MSN: variants seen among roughly 807,000 people sequenced by gnomAD.
MSN encodes moesin, also known as epididymis luminal protein 70.
Under a neutral mutation model 48.0 loss-of-function variants are expected in MSN, and 2 were observed. The ratio of observed to expected loss-of-function variants is 0.04; its 90% CI spans 0.02 to 0.13. The LOEUF is 0.13. MSN is among the 10% of genes least tolerant of loss of function. The pLI is 1.00. For missense variants in MSN, 267 were observed against 470.1 expected, an observed-to-expected ratio of 0.57 and a Z score of 3.99; for synonymous variants, 146 against 166.9, an observed-to-expected ratio of 0.87 and a Z score of 0.97.
At chrX:65,739,555 T>C (rs1449649268) in intron 12 of MSN, among the ~76,000 whole-genome samples, 174 bp from the exon 13 acceptor site, 1 of 111,785 alleles carries the variant, frequency 8.9e-6, no homozygotes, top group East Asian at 2.8e-4. Context: ...TTTTTTTTAA[T>C]ATTCTTGCCC....
intron 1 of MSN, among the ~76,000 whole-genome samples, chrX:65,711,301 C>T (rs1484649605): frequency 2.7e-5 from 3 of 111,112 alleles, no homozygotes; most frequent in African/African-American, 9.8e-5. Flanking sequence ...ATCAGGTGAT[C>T]CACCTGCCTC....
chrX:65,662,431 C>T (rs2070830614), intron 1 of MSN, among the ~76,000 whole-genome samples: 1 of 112,087 alleles, frequency 8.9e-6, no homozygotes, highest in Non-Finnish European at 1.9e-5. Flanking sequence ...GGTACAAAAA[C>T]AGACACATAG....
At chrX:65,681,161 C>G (rs989104216) in intron 1 of MSN, among the ~76,000 whole-genome samples, 4 of 111,398 alleles carry the variant, frequency 3.6e-5, no homozygotes, top group Admixed American at 9.6e-5. Flanking sequence ...ATCTCCCCCC[C>G]ACTCCATGTC....
rs12008739 is a variant in MSN, at chrX:65,623,149, G to T, written c.-22+34537G>T. On this transcript the variant is annotated intron_variant, in intron 1 of 3. Transcript: ENST00000609672. ...ATCCTTTTAATATGTGACTAGATTT[G>T]CTTTGTTAGTATTTAGTTGAGGACC... 9.3e-4 allele frequency among the ~76,000 whole-genome samples: 101 copies of T among 108,743 alleles called. 7 individuals carry two copies. Among genetic ancestry groups the T allele is most frequent in the African/African-American group, 3.2e-3 (93 of 28,921 alleles). The allele number at this position is 108,743 out of a possible 115,157, so 94.4% of individuals were successfully genotyped here. A position where few individuals can be genotyped will look rare whatever the true frequency, so the allele number is the denominator to read the frequency against.
rs1450253316 is a variant in MSN at position 65,733,236 on chromosome X, A to T, written c.751A>T (p.Asn251Tyr). 1 of 1,209,530 alleles carries T rather than the reference A, an allele frequency of 8.3e-7. No homozygotes were observed. The highest frequency in any genetic ancestry group is 1.1e-6 in the Non-Finnish European group (1 of 894,915). ...GAGTGAAATCAGGAACATCTCTTTCAATGATAAGAAATTTGTCATCAAGCC... is the reference window on the plus strand; with the variant it reads ...GAGTGAAATCAGGAACATCTCTTTCTATGATAAGAAATTTGTCATCAAGCC... ...PWSEIRNISF[N>Y]DKKFVIKPID... The change falls in exon 7 of 13, where the codon AAT becomes TAT. Residue 251 changes from asparagine to tyrosine, a missense_variant. Physicochemically the swap from Asn to Tyr is moderately radical, Grantham distance 143. Around this residue, in one of 5 missense-constraint regions of MSN, gnomAD observed 58 missense variants for 104.6 expected, o/e 0.55. Coordinates refer to ENST00000360270, the MANE Select transcript of MSN (RefSeq NM_002444.3).
intron 1 of MSN, among the ~76,000 whole-genome samples, chrX:65,711,029 CGT>C (rs2071409182): frequency 9.5e-6 from 1 of 105,502 alleles, no homozygotes; most frequent in South Asian, 4.5e-4. Context: ...GGACTACAGG[CGT>C]GCACCACCAT....
rs541849747 is a variant in MSN, at chrX:65,643,549, G to A, written c.-22+54937G>A. 2.0e-4 allele frequency among the ~76,000 whole-genome samples: 22 copies of A among 112,184 alleles called. No homozygotes were observed. In the South Asian group the frequency reaches 4.1e-3, roughly 21 times the overall value. On this transcript the variant is annotated intron_variant, in intron 1 of 3. Transcript: ENST00000609672. ...CTTTTAAAAATATTGATGCTAGAAA[G>A]TTCTAGCAACTGTACTCAAGCTAGA...
At chrX:65,598,520 G>A (rs1412492338) in intron 1 of MSN, among the ~76,000 whole-genome samples, 4 of 111,678 alleles carry the variant, frequency 3.6e-5, no homozygotes, top group African/African-American at 6.5e-5. Flanking sequence ...AGCCGCATGA[G>A]AGAAGTTGCA....
chrX:65,658,509 G>A (rs1379010732), intron 1 of MSN, among the ~76,000 whole-genome samples: 6 of 112,222 alleles, frequency 5.3e-5, no homozygotes, highest in Non-Finnish European at 1.1e-4. Flanking sequence ...AAAATGAAAA[G>A]CAGCCCTCAG....
At chrX:65,663,471 G>A (rs770666115), upstream of MSN, among the ~76,000 whole-genome samples, 7 of 111,093 alleles carry the variant, frequency 6.3e-5, no homozygotes, top group Non-Finnish European at 1.1e-4. Context: ...AAATGCTGGC[G>A]AGGCTGTGGA....
chrX:65,725,005 T>C (rs756803056), intron 2 of MSN, among the ~76,000 whole-genome samples: 1 of 112,088 alleles, frequency 8.9e-6, no homozygotes, highest in South Asian at 3.7e-4. Context: ...GTTCTTATAA[T>C]AAAATACCTG....
intron 1 of MSN, among the ~76,000 whole-genome samples, chrX:65,697,614 G>A (rs995658468): frequency 4.5e-5 from 5 of 111,790 alleles, no homozygotes; most frequent in African/African-American, 6.5e-5. Flanking sequence ...TTAAATCAGG[G>A]TGCTTTAGCA....
chrX:65,595,953 G>A lies in MSN; in HGVS notation c.-22+7341G>A, dbSNP rs191340974. Among the ~76,000 whole-genome samples, 252 of 111,654 alleles carry A rather than the reference G, an allele frequency of 2.3e-3. 3 individuals carry two copies. The highest frequency in any genetic ancestry group is 8.1e-3 in the African/African-American group (248 of 30,760). On this transcript the variant is annotated intron_variant, in intron 1 of 3. Transcript: ENST00000609672. The stretch of plus-strand genomic sequence containing the variant: ...TCATTTTATAGTTGTGAAAACTGAG[G>A]CCCCGGAAAGAAGTTGACTAAGGTT...
At chrX:65,679,449 G>A (rs944281384) in intron 1 of MSN, among the ~76,000 whole-genome samples, 7 of 111,651 alleles carry the variant, frequency 6.3e-5, no homozygotes, top group African/African-American at 2.3e-4. Context: ...GGTGATATGG[G>A]CTTGGGTGGA....
chrX:65,664,752 CT>C (rs1406578094), upstream of MSN, among the ~76,000 whole-genome samples: 201 of 93,806 alleles, frequency 2.1e-3, no homozygotes, highest in Non-Finnish European at 2.3e-3. Context: ...TGCCCCCTTT[CT>C]TTTTTTTTTT....
At chrX:65,635,734 A>G (rs1393899912) in intron 1 of MSN, among the ~76,000 whole-genome samples, 2 of 112,078 alleles carry the variant, frequency 1.8e-5, no homozygotes, top group African/African-American at 3.2e-5. Context: ...TGACAAAACA[A>G]CAGTAACGCT....
intron 1 of MSN, among the ~76,000 whole-genome samples, chrX:65,713,257 G>A (rs2071431195): frequency 9.0e-6 from 1 of 111,488 alleles, no homozygotes; most frequent in African/African-American, 3.3e-5. Context: ...TCATGTGTGT[G>A]GCTGTCTCTT....
chrX:65,643,610 A>G (rs1477305115), intron 1 of MSN, among the ~76,000 whole-genome samples: 2 of 112,047 alleles, frequency 1.8e-5, no homozygotes, highest in Admixed American at 1.9e-4. Flanking sequence ...TGGTGTCCAG[A>G]TATAGTTGTT....
chrX:65,595,550 C>A lies in MSN; in HGVS notation c.-22+6938C>A, dbSNP rs771273505. On this transcript the variant is annotated intron_variant, in intron 1 of 3. Transcript: ENST00000609672. ...AGCACTCAGTGATCTCTTGCGCCCC[C>A]CTCTGGCCTCAGTTCTTTAGCGGTT... Among the ~76,000 whole-genome samples, 11 of 112,079 alleles carry A rather than the reference C, an allele frequency of 9.8e-5. No homozygotes were observed. The South Asian group carries it at 3.7e-3, about 38-fold the overall frequency.
Sources: gnomAD v4.1 joint callset for allele counts (sites outside exome capture counted in the v4.1 genomes callset) on GRCh38, gnomAD v4.1.1 for gene constraint, gnomAD v4.1.1 regional missense constraint, MANE v1.5 for transcripts, NCBI Gene and HGNC (gene_info 2026-07-23, HGNC 2026-07-21) for gene names.